Variants in FRMD4A observed in about 807,000 individuals in gnomAD.
FRMD4A encodes the protein FERM domain-containing protein 4A.
A neutral mutation model predicts 129.1 loss-of-function variants in FRMD4A; 29 were observed. The observed-to-expected ratio is 0.22, with a 90% CI of 0.17 to 0.31. The LOEUF (loss-of-function observed/expected upper bound fraction) is 0.31. Ranked by LOEUF, FRMD4A falls within the 10% of genes least tolerant of loss-of-function variation. The pLI, the probability that FRMD4A is intolerant of heterozygous loss-of-function variation, is 1.00. For missense variants in FRMD4A, 1,272 were observed against 1,375.8 expected (o/e 0.92, Z 1.19); for synonymous variants, 634 against 571.6 (o/e 1.11, Z -1.56).
chr10:13,914,078 C>T (rs571534662), intron 2 of FRMD4A, among the ~76,000 whole-genome samples: 78 of 152,320 alleles, frequency 5.1e-4, no homozygotes, highest in Non-Finnish European at 1.0e-3. Flanking sequence ...AGTCATTCAG[C>T]TGTGGCCTCT....
intron 19 of FRMD4A, among the ~76,000 whole-genome samples, chr10:13,662,939 G>T (rs115303670): frequency 0.04 from 6,022 of 152,138 alleles, 139 homozygotes; most frequent in African/African-American, 0.064. Context: ...CAGGTATGGT[G>T]GCTCCTGCCT....
chr10:14,185,586 GAAAGA>G (rs1842086550), intron 2 of FRMD4A, among the ~76,000 whole-genome samples: 1 of 151,236 alleles, frequency 6.6e-6, no homozygotes, highest in Non-Finnish European at 1.5e-5. Context: ...CGTCTTGTAA[GAAAGA>G]GAAACAGGTA....
chr10:14,290,380 A>C (rs1403225078), intron 2 of FRMD4A, among the ~76,000 whole-genome samples: 1 of 152,134 alleles, frequency 6.6e-6, no homozygotes, highest in East Asian at 1.9e-4. Flanking sequence ...AAAAACAGAC[A>C]TACATACCAA....
chr10:13,929,811 G>A (rs2095173286), intron 2 of FRMD4A, among the ~76,000 whole-genome samples: 1 of 152,156 alleles, frequency 6.6e-6, no homozygotes, highest in African/African-American at 2.4e-5. Flanking sequence ...AATCTTAGCT[G>A]TGCTACTTAC....
intron 2 of FRMD4A, among the ~76,000 whole-genome samples, chr10:13,898,900 G>C (rs1251116420): frequency 2.0e-5 from 3 of 152,112 alleles, no homozygotes; most frequent in African/African-American, 4.8e-5. Flanking sequence ...ATGAGCCTGG[G>C]AGCTGGGCAC....
At chr10:14,247,270 G>A (rs1034662611) in intron 2 of FRMD4A, among the ~76,000 whole-genome samples, 1 of 152,172 alleles carries the variant, frequency 6.6e-6, no homozygotes, top group Non-Finnish European at 1.5e-5. Context: ...CACAACTAGA[G>A]ATAGACATTC....
chr10:13,776,745 A>G (rs1182747526), intron 6 of FRMD4A, among the ~76,000 whole-genome samples: 2 of 152,224 alleles, frequency 1.3e-5, no homozygotes, highest in African/African-American at 4.8e-5. Context: ...GTTCCCCAAG[A>G]GACAGGGAGG....
At chr10:14,141,184 G>T (rs978329579) in intron 2 of FRMD4A, among the ~76,000 whole-genome samples, 1 of 152,114 alleles carries the variant, frequency 6.6e-6, no homozygotes, top group Non-Finnish European at 1.5e-5. Context: ...CTTGGAAATG[G>T]GTAGAGAAAG....
At chr10:13,727,059 C>T (rs2089947106) in intron 12 of FRMD4A, among the ~76,000 whole-genome samples, 1 of 152,144 alleles carries the variant, frequency 6.6e-6, no homozygotes, top group Admixed American at 6.5e-5. Flanking sequence ...CATGTCACCA[C>T]ACCCAGCTAA....
At chr10:13,732,642 T>C (rs1355047705) in intron 12 of FRMD4A, among the ~76,000 whole-genome samples, 1 of 152,224 alleles carries the variant, frequency 6.6e-6, no homozygotes, top group Non-Finnish European at 1.5e-5. Context: ...TGCAGAAGCC[T>C]CCAGGTGCAC....
intron 2 of FRMD4A, among the ~76,000 whole-genome samples, chr10:14,217,323 G>A (rs1843105901): frequency 1.3e-5 from 2 of 152,164 alleles, no homozygotes; most frequent in South Asian, 4.1e-4. Context: ...CATGTTGTGG[G>A]AGGGACCCAG....
chr10:13,915,169 A>G (rs1221849400), intron 2 of FRMD4A, among the ~76,000 whole-genome samples: 5 of 152,190 alleles, frequency 3.3e-5, no homozygotes, highest in African/African-American at 7.2e-5. Context: ...AATTTCATCA[A>G]ATCCAGGCGA....
chr10:13,699,545 C>T (rs181510657), intron 14 of FRMD4A, among the ~76,000 whole-genome samples: 7 of 152,250 alleles, frequency 4.6e-5, no homozygotes, highest in South Asian at 2.1e-4. Flanking sequence ...CAAAAACCGG[C>T]GCAGAGAGGA....
chr10:14,010,672 T>TTTTTTTTTTTTTTTG (rs2095679076), intron 2 of FRMD4A, among the ~76,000 whole-genome samples: 1 of 143,746 alleles, frequency 7.0e-6, no homozygotes, highest in African/African-American at 2.5e-5. Flanking sequence ...GTCTTTTTTT[T>TTTTTTTTTTTTTTTG]TTTTTTTTTT....
At chr10:13,660,193 C>T (rs937303516) in intron 20 of FRMD4A, 123 bp downstream of exon 20, 6 of 671,532 alleles carry the variant, frequency 8.9e-6, no homozygotes, top group African/African-American at 7.2e-5. Context: ...GAAAGGCAAA[C>T]CCCACGGGGA....
chr10:14,079,257 A>G (rs1835788902), intron 2 of FRMD4A, among the ~76,000 whole-genome samples: 1 of 152,168 alleles, frequency 6.6e-6, no homozygotes, highest in Admixed American at 6.5e-5. Flanking sequence ...AACCCCTGCC[A>G]GGGATCTGCT....
chr10:13,910,541 G>A (rs1446870606), intron 2 of FRMD4A, among the ~76,000 whole-genome samples: 3 of 152,206 alleles, frequency 2.0e-5, no homozygotes, highest in African/African-American at 7.2e-5. Context: ...GTTACTTAGC[G>A]ATGGTTAACT....
At chr10:13,738,274 G>C (rs985299300) in intron 11 of FRMD4A, among the ~76,000 whole-genome samples, 1 of 152,102 alleles carries the variant, frequency 6.6e-6, no homozygotes, top group African/African-American at 2.4e-5. Flanking sequence ...ATTCCATGCC[G>C]GGATGCTCAC....
intron 2 of FRMD4A, among the ~76,000 whole-genome samples, chr10:14,286,987 T>C (rs773111281): frequency 3.9e-5 from 6 of 152,186 alleles, no homozygotes; most frequent in Non-Finnish European, 8.8e-5. Context: ...ATTTGCATTC[T>C]CACATAGACT....
Sources: allele counts gnomAD v4.1 joint callset (sites outside exome capture counted in the v4.1 genomes callset), GRCh38; gene constraint gnomAD v4.1.1; transcripts MANE v1.5; gene names NCBI Gene and HGNC (gene_info 2026-07-23, HGNC 2026-07-21).